LMX1A: variants seen among roughly 807,000 people sequenced by gnomAD.
The protein encoded by LMX1A is LIM homeobox transcription factor 1-alpha.
LMX1A carries 15 observed loss-of-function variants against 49.1 expected under a neutral mutation model. That is an observed-to-expected ratio of 0.31 (90% CI 0.20 to 0.47). LMX1A has a LOEUF of 0.47. Ranked by LOEUF, LMX1A falls within the 20% of genes least tolerant of loss-of-function variation. LMX1A has a pLI of 1.00. For missense variants in LMX1A, 372 were observed against 475.8 expected, an observed-to-expected ratio of 0.78 and a Z score of 2.03; for synonymous variants, 167 against 185.7, an observed-to-expected ratio of 0.90 and a Z score of 0.82.
chr1:165,345,638 C>A (rs1041355836), intron 3 of LMX1A, among the ~76,000 whole-genome samples: 1 of 152,160 alleles, frequency 6.6e-6, no homozygotes, highest in Non-Finnish European at 1.5e-5. Flanking sequence ...GAGTAATGGA[C>A]GTGAGGTTAT....
rs146061153 is a variant in LMX1A at position 165,288,897 on chromosome 1, G to C, written c.264-39257C>G. ...CAGTCTCAGAAGTCTAATTAAAATAGAGGAAGCGATCTCCTCCTCAAATTT... is the reference window on the plus strand; with the variant it reads ...CAGTCTCAGAAGTCTAATTAAAATACAGGAAGCGATCTCCTCCTCAAATTT... On this transcript the variant is annotated intron_variant, in intron 3 of 8. Transcript: ENST00000342310. 5.0e-3 allele frequency among the ~76,000 whole-genome samples: 769 copies of C among 152,314 alleles called. 3 individuals are homozygous for C. Among genetic ancestry groups the C allele is most frequent in the Non-Finnish European group, 7.3e-3 (499 of 68,036 alleles).
intron 3 of LMX1A, among the ~76,000 whole-genome samples, chr1:165,341,443 T>A (rs1334283178): frequency 2.6e-5 from 4 of 152,212 alleles, no homozygotes; most frequent in African/African-American, 9.6e-5. Context: ...GCAAGTCACG[T>A]AATTAATTTA....
intron 3 of LMX1A, among the ~76,000 whole-genome samples, chr1:165,306,959 G>T (rs910441155): frequency 6.6e-6 from 1 of 152,240 alleles, no homozygotes; most frequent in Non-Finnish European, 1.5e-5. Flanking sequence ...AGCCTGAGCT[G>T]CTGGCAGCAA....
Position 165,202,332 on chromosome 1 carries a change from G to C in LMX1A, c.*1548C>G, listed in dbSNP as rs985938238. 3.3e-5 allele frequency: 5 copies of C among 152,644 alleles called. No individual in the cohort carries two copies. The East Asian group carries it at 9.7e-4, about 30-fold the overall frequency. 9.5% of individuals were successfully genotyped at this position (152,644 alleles called of 1,614,324 possible). A position where few individuals can be genotyped will look rare whatever the true frequency, so the allele number is the denominator to read the frequency against. ...CAACTGGAGACCAGGGTGTGGAACTGTCCCCATGTACAATGGCTGCTGGGT... is the reference window on the plus strand; with the variant it reads ...CAACTGGAGACCAGGGTGTGGAACTCTCCCCATGTACAATGGCTGCTGGGT... On this transcript the variant is annotated 3_prime_UTR_variant, in exon 9 of 9. Transcript: ENST00000342310.
intron 3 of LMX1A, among the ~76,000 whole-genome samples, chr1:165,323,690 C>T (rs1655486582): frequency 6.6e-6 from 1 of 152,172 alleles, no homozygotes; most frequent in African/African-American, 2.4e-5. Flanking sequence ...CTCCCCCTCC[C>T]TTGATCTACT....
rs573353286 is a variant in LMX1A at position 165,336,042 on chromosome 1, T to C, written c.263+17034A>G. ...AAATTATTAGTATAATTAGCATCCA[T>C]TTATCGAGGATCTTTACTAAATGCT... On this transcript the variant is annotated intron_variant, in intron 3 of 8. Coordinates refer to ENST00000342310, the MANE Select transcript of LMX1A (RefSeq NM_177398.4). 3.9e-5 allele frequency among the ~76,000 whole-genome samples: 6 copies of C among 152,332 alleles called. No individual in the cohort carries two copies. The East Asian group carries it at 5.8e-4, about 15-fold the overall frequency.
chr1:165,343,402 A>AATG (rs1188621135), intron 3 of LMX1A, among the ~76,000 whole-genome samples: 2 of 6,650 alleles, frequency 3.0e-4, no homozygotes, highest in Non-Finnish European at 1.2e-3. Flanking sequence ...TATAAATAAT[A>AATG]ATAATAATAA....
Position 165,242,282 on chromosome 1 carries a change from A to G in LMX1A, c.496+7126T>C, listed in dbSNP as rs138696270. On this transcript the variant is annotated intron_variant, in intron 4 of 8. Coordinates refer to ENST00000342310, the MANE Select transcript of LMX1A (RefSeq NM_177398.4). Reference sequence around the variant, plus strand: ...CTGCTGCGTTAATCCAAAACATAAAACATTCTTTGCAGAAAGGGGCCCTCA... The same window carrying G: ...CTGCTGCGTTAATCCAAAACATAAAGCATTCTTTGCAGAAAGGGGCCCTCA... Among the ~76,000 whole-genome samples the G allele has an allele frequency of 2.6e-5, 4 of 152,240 alleles. No individual in the cohort carries two copies. The East Asian group carries it at 7.7e-4, about 29-fold the overall frequency.
chr1:165,275,190 A>G (rs573043542), intron 3 of LMX1A, among the ~76,000 whole-genome samples: 1 of 152,228 alleles, frequency 6.6e-6, no homozygotes, highest in East Asian at 1.9e-4. Context: ...TGAAGTGCAC[A>G]GAACTCAACT....
chr1:165,278,889 A>G (rs1427467281), intron 3 of LMX1A, among the ~76,000 whole-genome samples: 1 of 152,194 alleles, frequency 6.6e-6, no homozygotes, highest in Non-Finnish European at 1.5e-5. Flanking sequence ...GAGAAGGTAC[A>G]GGGCAGGACC....
At chr1:165,318,732 A>G (rs1289650957) in intron 3 of LMX1A, among the ~76,000 whole-genome samples, 2 of 152,112 alleles carry the variant, frequency 1.3e-5, no homozygotes, top group Non-Finnish European at 1.5e-5. Flanking sequence ...TCTTGCCTGG[A>G]ATGTGATTAC....
intron 3 of LMX1A, among the ~76,000 whole-genome samples, chr1:165,346,405 A>G (rs1352206209): frequency 6.6e-6 from 1 of 152,206 alleles, no homozygotes; most frequent in Non-Finnish European, 1.5e-5. Context: ...TCCACTTTGT[A>G]TTTTTAGTTG....
chr1:165,319,947 C>A (rs1445171314), intron 3 of LMX1A, among the ~76,000 whole-genome samples: 1 of 152,176 alleles, frequency 6.6e-6, no homozygotes, highest in Non-Finnish European at 1.5e-5. Context: ...ACATGGACCA[C>A]CAGCTTTGTC....
At chr1:165,311,755 T>C (rs1655083357) in intron 3 of LMX1A, among the ~76,000 whole-genome samples, 1 of 152,216 alleles carries the variant, frequency 6.6e-6, no homozygotes, top group African/African-American at 2.4e-5. Context: ...CTCTTCAGGC[T>C]TCTCCTGCAC....
chr1:165,256,765 G>C (rs1653255014), intron 3 of LMX1A, among the ~76,000 whole-genome samples: 1 of 151,924 alleles, frequency 6.6e-6, no homozygotes, highest in Admixed American at 6.6e-5. Context: ...TAACCAAGGA[G>C]ACAAGAATGT....
chr1:165,270,533 C>T (rs1166155180), intron 3 of LMX1A, among the ~76,000 whole-genome samples: 2 of 152,082 alleles, frequency 1.3e-5, no homozygotes, highest in East Asian at 3.9e-4. Flanking sequence ...GGTGTAGAGG[C>T]CAAAAGCCAC....
intron 4 of LMX1A, among the ~76,000 whole-genome samples, chr1:165,244,446 A>C (rs2102632401): frequency 6.6e-6 from 1 of 152,140 alleles, no homozygotes; most frequent in Non-Finnish European, 1.5e-5. Context: ...GTCTTGTGGG[A>C]TCAAGCTCTT....
intron 4 of LMX1A, 127 bp downstream of exon 4, chr1:165,249,281 C>G (rs1652965413): frequency 1.7e-5 from 11 of 640,828 alleles, no homozygotes; most frequent in East Asian, 1.3e-4. Flanking sequence ...CTGAAATACA[C>G]AGAACTGCCT....
Position 165,349,685 on chromosome 1 carries a change from A to C in LMX1A, c.263+3391T>G, listed in dbSNP as rs540527477. ...TCGCAGTATATGAGAAAAATACTTAATAAAACGTCCCGAAGTCTTCCGATG... is the reference window on the plus strand; with the variant it reads ...TCGCAGTATATGAGAAAAATACTTACTAAAACGTCCCGAAGTCTTCCGATG... On this transcript the variant is annotated intron_variant, in intron 3 of 8. Transcript: ENST00000342310. 2.6e-5 allele frequency among the ~76,000 whole-genome samples: 4 copies of C among 152,350 alleles called. No individual in the cohort carries two copies. In the South Asian group the frequency reaches 8.3e-4, roughly 32 times the overall value.
Sources: allele counts gnomAD v4.1 joint callset (sites outside exome capture counted in the v4.1 genomes callset), GRCh38; gene constraint gnomAD v4.1.1; transcripts MANE v1.5; gene names NCBI Gene and HGNC (gene_info 2026-07-23, HGNC 2026-07-21).